PXDNL: variants seen among roughly 807,000 people sequenced by gnomAD.
PXDNL encodes probable oxidoreductase PXDNL.
PXDNL carries 145 observed loss-of-function variants against 150.8 expected under a neutral mutation model. The ratio of observed to expected loss-of-function variants is 0.96; its 90% CI spans 0.84 to 1.10. The LOEUF is 1.10. PXDNL is among the 50% of genes least tolerant of loss of function. The pLI is 0.00. For synonymous variants in PXDNL, 757 were observed against 725.7 expected, an observed-to-expected ratio of 1.04 and a Z score of -0.69; for missense variants, 2,087 against 1,873.9, an observed-to-expected ratio of 1.11 and a Z score of -2.10.
chr8:51,451,264 C>T (rs1319838109), intron 10 of PXDNL, among the ~76,000 whole-genome samples: 1 of 152,104 alleles, frequency 6.6e-6, no homozygotes, highest in East Asian at 1.9e-4. Flanking sequence ...CCAAGATCCA[C>T]ATCTTAGCAA....
chr8:51,590,504 G>T (rs1813420356), intron 3 of PXDNL, among the ~76,000 whole-genome samples: 1 of 152,184 alleles, frequency 6.6e-6, no homozygotes, highest in African/African-American at 2.4e-5. Context: ...ATGGGGTCGT[G>T]GCCACCTGAG....
chr8:51,535,357 A>T (rs1812047277), intron 4 of PXDNL, among the ~76,000 whole-genome samples: 1 of 88,502 alleles, frequency 1.1e-5, no homozygotes, highest in African/African-American at 6.6e-5. Context: ...GAGACTTTTC[A>T]TTTTGTTCTG....
Position 51,533,836 on chromosome 8 carries a change from A to G in PXDNL, c.380+23004T>C, listed in dbSNP as rs946509050. 2.7e-5 allele frequency among the ~76,000 whole-genome samples: 4 copies of G among 149,900 alleles called. 1 individual carries two copies. Among genetic ancestry groups the G allele is most frequent in the African/African-American group, 1.0e-4 (4 of 40,124 alleles). ...CAGTGGCGTGATCTCGGCTCGCTAC[A>G]ACCTCCACCTCCCAGCCGCCTGCCT... On this transcript the variant is annotated intron_variant, in intron 4 of 22. Transcript: ENST00000356297.
At chr8:51,389,464 C>T (rs776925874) in intron 17 of PXDNL, among the ~76,000 whole-genome samples, 11 of 152,138 alleles carry the variant, frequency 7.2e-5, no homozygotes, top group Non-Finnish European at 1.5e-4. Context: ...TCCCTTCATC[C>T]TTGCAGAGAT....
chr8:51,744,728 AAAAG>A (rs71848112), intron 1 of PXDNL, among the ~76,000 whole-genome samples: 110,747 of 116,492 alleles, frequency 0.95, 52,934 homozygotes, highest in East Asian at 0.99. Context: ...AGAGAAAAAG[AAAAG>A]AAAGAAAGAG....
intron 19 of PXDNL, among the ~76,000 whole-genome samples, chr8:51,361,937 C>CAAAAAAAAAAAAAAAAAAAAAAAAAA (rs57092440): frequency 3.4e-5 from 2 of 58,052 alleles, no homozygotes; most frequent in Non-Finnish European, 2.9e-5. Flanking sequence ...GATTCCATCT[C>CAAAAAAAAAAAAAAAAAAAAAAAAAA]AAAAAAAAAA....
At chr8:51,611,195 C>T (rs1021800860) in intron 2 of PXDNL, among the ~76,000 whole-genome samples, 1 of 151,914 alleles carries the variant, frequency 6.6e-6, no homozygotes, top group Non-Finnish European at 1.5e-5. Context: ...AATTAGCATG[C>T]CATGTAATAT....
At chr8:51,591,112 A>AC (rs11358506) in intron 3 of PXDNL, among the ~76,000 whole-genome samples, 1 of 151,742 alleles carries the variant, frequency 6.6e-6, no homozygotes, top group Admixed American at 6.6e-5. Context: ...AGGGATTTCA[A>AC]CCCCCCTTTT....
intron 2 of PXDNL, among the ~76,000 whole-genome samples, chr8:51,610,408 T>C (rs942943558): frequency 3.9e-5 from 6 of 152,224 alleles, no homozygotes; most frequent in Non-Finnish European, 8.8e-5. Context: ...ACATTTGCTA[T>C]TATAATTCTA....
chr8:51,724,188 A>G (rs768863615), intron 1 of PXDNL, among the ~76,000 whole-genome samples: 4 of 152,054 alleles, frequency 2.6e-5, no homozygotes, highest in Non-Finnish European at 5.9e-5. Context: ...TGGGGCTACA[A>G]TGGCTATTTG....
intron 9 of PXDNL, among the ~76,000 whole-genome samples, chr8:51,454,010 G>C (rs1344288034): frequency 6.6e-6 from 1 of 152,006 alleles, no homozygotes; most frequent in African/African-American, 2.4e-5. Flanking sequence ...TGCTTGCCTT[G>C]ATATCACGAT....
chr8:51,569,827 A>T (rs1043120903), intron 3 of PXDNL, among the ~76,000 whole-genome samples: 2 of 151,972 alleles, frequency 1.3e-5, no homozygotes, highest in African/African-American at 2.4e-5. Flanking sequence ...CTGACCAATA[A>T]CACATCAGAG....
At chr8:51,611,644 A>G (rs1814003509) in intron 2 of PXDNL, among the ~76,000 whole-genome samples, 1 of 152,232 alleles carries the variant, frequency 6.6e-6, no homozygotes, top group African/African-American at 2.4e-5. Context: ...TAAGGTTTGA[A>G]TGAAAGAAGC....
rs1024956182 is a variant in PXDNL, at chr8:51,472,051, G to GT, written c.812+135dup. 2.7e-5 allele frequency: 16 copies of GT among 585,926 alleles called. No individual in the cohort carries two copies. The Admixed American group carries it at 4.5e-4, about 17-fold the overall frequency. 36.3% of individuals were successfully genotyped at this position (585,926 alleles called of 1,614,324 possible). Reference sequence around the variant, plus strand: ...AGCTTGAGTAAGTCAACAGATAAAAGTTAAAAGGCATTTTATCTTTAAGAA... The same window carrying GT: ...AGCTTGAGTAAGTCAACAGATAAAAGTTTAAAAGGCATTTTATCTTTAAGAA... On this transcript the variant is annotated intron_variant, in intron 8 of 22. Coordinates refer to ENST00000356297, the MANE Select transcript of PXDNL (RefSeq NM_144651.5).
At chr8:51,553,118 A>G (rs929860063) in intron 4 of PXDNL, among the ~76,000 whole-genome samples, 1 of 152,156 alleles carries the variant, frequency 6.6e-6, no homozygotes, top group Non-Finnish European at 1.5e-5. Flanking sequence ...ATCTTCCTTG[A>G]CTCTGTGTCC....
intron 1 of PXDNL, among the ~76,000 whole-genome samples, chr8:51,787,021 C>G (rs1177387669): frequency 2.0e-5 from 3 of 148,658 alleles, no homozygotes; most frequent in South Asian, 2.1e-4. Flanking sequence ...AATGGAACAA[C>G]AAAGCCTGGA....
chr8:51,787,100 G>GAAAA (rs61051633), intron 1 of PXDNL, among the ~76,000 whole-genome samples: 5 of 141,016 alleles, frequency 3.5e-5, no homozygotes, highest in Admixed American at 2.1e-4. Context: ...CTACTTCCCA[G>GAAAA]AAAAAAAAAA....
rs111576033 is a variant in PXDNL at position 51,511,352 on chromosome 8, C to A, written c.381-11582G>T. Among the ~76,000 whole-genome samples the A allele has an allele frequency of 6.7e-3, 1,018 of 152,260 alleles. 6 individuals carry two copies. The highest frequency in any genetic ancestry group is 0.023 in the African/African-American group (968 of 41,550). On this transcript the variant is annotated intron_variant, in intron 4 of 22. Coordinates refer to ENST00000356297, the MANE Select transcript of PXDNL (RefSeq NM_144651.5). ...GCTTAGAACTTTAGACAGGCGCTAGCAGTATTTGGCCTCCTTCCCTCCAGA... is the reference window on the plus strand; with the variant it reads ...GCTTAGAACTTTAGACAGGCGCTAGAAGTATTTGGCCTCCTTCCCTCCAGA...
chr8:51,656,310 A>G lies in PXDNL; in HGVS notation c.165-1550T>C, dbSNP rs139811995. On this transcript the variant is annotated intron_variant, in intron 1 of 22. Transcript: ENST00000356297. ...TGAGCAAAATTTTATAGGAGCTATT[A>G]TTTTCAATTAAAATTATTAAATAAC... 2.6e-5 allele frequency among the ~76,000 whole-genome samples: 4 copies of G among 152,270 alleles called. No individual in the cohort carries two copies. The East Asian group carries it at 7.7e-4, about 29-fold the overall frequency.
Sources: gnomAD v4.1 joint callset for allele counts (sites outside exome capture counted in the v4.1 genomes callset) on GRCh38, gnomAD v4.1.1 for gene constraint, MANE v1.5 for transcripts, NCBI Gene and HGNC (gene_info 2026-07-23, HGNC 2026-07-21) for gene names.